The following THADA variants were observed in gnomAD, a reference collection of about 807,000 sequenced individuals.
THADA encodes THADA armadillo repeat containing, also known as tRNA (32-2'-O)-methyltransferase regulator THADA.
A neutral mutation model predicts 219.8 loss-of-function variants in THADA; 213 were observed. The observed-to-expected ratio is 0.97, with a 90% CI of 0.87 to 1.09. The LOEUF (loss-of-function observed/expected upper bound fraction) is 1.09. THADA is among the 50% of genes least tolerant of loss of function. The probability of loss-of-function intolerance (pLI) is 0.00; values close to 1 mark genes in which losing one functional copy is unlikely to be tolerated. For synonymous variants in THADA, 1,018 were observed against 828.9 expected (o/e 1.23, Z -3.92); for missense variants, 2,956 against 2,311.3 (o/e 1.28, Z -5.72).
chr2:43,586,959 G>A lies in THADA; in HGVS notation c.346C>T (p.His116Tyr), dbSNP rs371688194. 3 of 1,613,560 alleles carry A rather than the reference G, an allele frequency of 1.9e-6. No individual in the cohort carries two copies. In the African/African-American group the frequency reaches 4.0e-5, roughly 22 times the overall value. The change falls in exon 5 of 38, where the codon CAC (histidine) becomes TAC (tyrosine). Residue 116 changes from histidine to tyrosine, a missense_variant. By Grantham distance (83) the His-to-Tyr change is moderately conservative (BLOSUM62 2). Coordinates refer to ENST00000405975, the MANE Select transcript of THADA (RefSeq NM_022065.5). ...LPDFFLPEAM[H>Y]RFTSRLQEEL... ...TCCTGAAGACGAGAAGTAAAACGGT[G>A]CATAGCCTCAGGTAGAAAAAAATCA...
At chr2:43,547,950 A>G (rs760494314) in intron 20 of THADA, among the ~76,000 whole-genome samples, 2 of 152,156 alleles carry the variant, frequency 1.3e-5, no homozygotes, top group Non-Finnish European at 2.9e-5. Context: ...CCTGCTTTTT[A>G]GAGTTTCCAG....
chr2:43,504,464 C>G lies in THADA; in HGVS notation c.3621+1158G>C, dbSNP rs555759580. On this transcript the variant is annotated intron_variant, in intron 24 of 37. Coordinates refer to ENST00000405975, the MANE Select transcript of THADA (RefSeq NM_022065.5). ...CACAGTCCTCATTCTGGCCTGTGGG[C>G]TCTCTTTAACACCTCCCACAGGTTC... Among the ~76,000 whole-genome samples, 73 of 152,262 alleles carry G rather than the reference C, an allele frequency of 4.8e-4. No individual in the cohort carries two copies. The Middle Eastern group carries it at 0.01, about 21-fold the overall frequency.
chr2:43,257,285 C>T (rs1399167202), intron 36 of THADA, among the ~76,000 whole-genome samples: 1 of 152,264 alleles, frequency 6.6e-6, no homozygotes, highest in Non-Finnish European at 1.5e-5. Flanking sequence ...TCTGCTCCCA[C>T]TGGGAGAGGC....
intron 26 of THADA, among the ~76,000 whole-genome samples, chr2:43,438,021 G>C (rs1371740877): frequency 1.3e-5 from 2 of 152,110 alleles, no homozygotes; most frequent in African/African-American, 4.8e-5. Context: ...CCAAGGGATG[G>C]CCAGGCGCGG....
At chr2:43,579,345 T>C (rs963187700) in intron 8 of THADA, among the ~76,000 whole-genome samples, 1 of 152,212 alleles carries the variant, frequency 6.6e-6, no homozygotes, top group Non-Finnish European at 1.5e-5. Context: ...GTATAAAGAA[T>C]GTAGGTAAGT....
chr2:43,456,157 C>A (rs550151140), intron 26 of THADA, among the ~76,000 whole-genome samples: 1 of 152,100 alleles, frequency 6.6e-6, no homozygotes, highest in East Asian at 1.9e-4. Context: ...TAAAAATGTG[C>A]AAAACTCATC....
chr2:43,508,776 G>C lies in THADA; in HGVS notation c.3379C>G (p.Pro1127Ala). Residue 1127 changes from proline (P) to alanine (A), a missense_variant, in exon 23 of 38, where the codon CCA becomes GCA. Transcript: ENST00000405975. Reference sequence around the variant, plus strand: ...GGCAGCTTTTGCAGACTCACATTTGGGCACCTAAAAGGCATATATAATCAA... The same window carrying C: ...GGCAGCTTTTGCAGACTCACATTTGCGCACCTAAAAGGCATATATAATCAA... ...VKLTEVLNRC[P>A]NVSLQKLPEQ... is the part of the protein sequence containing the mutation. 1.9e-6 allele frequency: 3 copies of C among 1,612,814 alleles called. No homozygotes were observed. The highest frequency in any genetic ancestry group is 2.5e-6 in the Non-Finnish European group (3 of 1,179,388).
intron 21 of THADA, among the ~76,000 whole-genome samples, chr2:43,533,520 A>G (rs1694159472): frequency 2.0e-5 from 3 of 152,264 alleles, no homozygotes; most frequent in Admixed American, 2.0e-4. Flanking sequence ...CTGGCTAAAG[A>G]AAATGTGGCA....
Position 43,279,770 on chromosome 2 carries a change from G to T in THADA, c.5291C>A (p.Ser1764Ter), listed in dbSNP as rs969026738. 7 of 1,548,544 alleles carry T rather than the reference G, an allele frequency of 4.5e-6. No individual in the cohort carries two copies. The highest frequency in any genetic ancestry group is 6.1e-6 in the Non-Finnish European group (7 of 1,146,000). Residue 1764 changes from serine (S) to a stop codon, truncating the protein, a stop_gained, in exon 36 of 38, where the codon TCA becomes TAA. Transcript: ENST00000405975. LOFTEE classifies it high-confidence loss of function. ...TAMSQENTCQ[S>*]TEFAFCQVDA... ...AAAGGATAAGAACGAGGTACCTGTT[G>T]ACTGGCAGGTATTTTCTTGTGACAT...
At chr2:43,560,213 A>C in intron 16 of THADA, 21 bp downstream of exon 16, 1 of 1,601,802 alleles carries the variant, frequency 6.2e-7, no homozygotes, top group Non-Finnish European at 8.5e-7. Context: ...TACCACATTT[A>C]TACTAGAAAA....
chr2:43,246,914 G>T (rs1363954218), intron 36 of THADA, among the ~76,000 whole-genome samples: 1 of 152,228 alleles, frequency 6.6e-6, no homozygotes, highest in Non-Finnish European at 1.5e-5. Flanking sequence ...GGCAAGAGAA[G>T]GGAGAGGTCC....
At chr2:43,416,461 T>C (rs1211893372) in intron 28 of THADA, among the ~76,000 whole-genome samples, 2 of 152,216 alleles carry the variant, frequency 1.3e-5, no homozygotes, top group Non-Finnish European at 2.9e-5. Flanking sequence ...CCGGACACTG[T>C]AGAAACTGAA....
chr2:43,358,907 T>C (rs1024718564), intron 29 of THADA, among the ~76,000 whole-genome samples: 6 of 152,190 alleles, frequency 3.9e-5, no homozygotes, highest in African/African-American at 1.4e-4. Context: ...CTGTGAATCT[T>C]TAAAAGTCAA....
At chr2:43,446,306 G>C (rs562531938) in intron 26 of THADA, among the ~76,000 whole-genome samples, 1 of 152,170 alleles carries the variant, frequency 6.6e-6, no homozygotes, top group South Asian at 2.1e-4. Flanking sequence ...TCGAAGAAGT[G>C]GGTCTATTTC....
chr2:43,498,982 G>T, intron 24 of THADA, 27 bp from the exon 25 acceptor site: 1 of 1,550,080 alleles, frequency 6.5e-7, no homozygotes, highest in Non-Finnish European at 8.7e-7. Context: ...AAAATTAGTT[G>T]TGGGTTGAAA....
At chr2:43,534,627 AGCTGC>A (rs1204819390) in intron 21 of THADA, among the ~76,000 whole-genome samples, 2 of 152,160 alleles carry the variant, frequency 1.3e-5, no homozygotes, top group African/African-American at 2.4e-5. Flanking sequence ...CCATCCATGT[AGCTGC>A]GAATGACAGT....
chr2:43,590,793 A>G, intron 4 of THADA, 31 bp downstream of exon 4: 2 of 1,604,992 alleles, frequency 1.2e-6, no homozygotes, highest in South Asian at 1.1e-5. Context: ...CAACATTTAT[A>G]ACACCCAACT....
At chr2:43,541,835 A>G (rs952631897) in intron 20 of THADA, among the ~76,000 whole-genome samples, 2 of 152,196 alleles carry the variant, frequency 1.3e-5, no homozygotes, top group African/African-American at 4.8e-5. Context: ...TTTTAAAATA[A>G]AACACAATAT....
intron 22 of THADA, among the ~76,000 whole-genome samples, chr2:43,520,711 TATACACACACAC>T (rs1692303934): frequency 3.0e-5 from 4 of 131,448 alleles, no homozygotes; most frequent in Non-Finnish European, 4.9e-5. Flanking sequence ...CGTATATATA[TATACACACACAC>T]ACACACACAC....
Sources: allele counts gnomAD v4.1 joint callset (sites outside exome capture counted in the v4.1 genomes callset), GRCh38; gene constraint gnomAD v4.1.1; transcripts MANE v1.5; gene names NCBI Gene and HGNC (gene_info 2026-07-23, HGNC 2026-07-21).